Variants in TANGO2 observed in about 807,000 individuals in gnomAD.
TANGO2 encodes the protein transport and golgi organization 2 homolog, also known as transport and Golgi organization protein 2 homolog.
In TANGO2, 26 loss-of-function variants were observed where a neutral mutation model predicts 39.1. The observed-to-expected ratio is 0.67, with a 90% CI of 0.49 to 0.92. TANGO2 has a LOEUF of 0.92. TANGO2 is among the 40% of genes least tolerant of loss of function. The pLI, the probability that TANGO2 is intolerant of heterozygous loss-of-function variation, is 0.00. For synonymous variants in TANGO2, 131 were observed against 144.5 expected, an observed-to-expected ratio of 0.91 and a Z score of 0.67; for missense variants, 326 against 360.1, an observed-to-expected ratio of 0.91 and a Z score of 0.77.
intron 5 of TANGO2, chr22:20,053,900 G>T (rs2046875047): frequency 4.1e-5 from 15 of 368,594 alleles, no homozygotes; most frequent in South Asian, 3.1e-4. Context: ...GAGTGACTGG[G>T]ATGCTGTGCT....
intron 1 of TANGO2, among the ~76,000 whole-genome samples, chr22:20,027,497 G>A (rs1335352786): frequency 6.6e-6 from 1 of 152,228 alleles, no homozygotes; most frequent in African/African-American, 2.4e-5. Context: ...GGAGAACGGA[G>A]CAATGGGACC....
Position 20,063,318 on chromosome 22 carries a change from C to T in TANGO2, c.606-20C>T, listed in dbSNP as rs755361848. 2.5e-6 allele frequency: 4 copies of T among 1,610,296 alleles called. No homozygotes were observed. The highest frequency in any genetic ancestry group is 2.5e-6 in the Non-Finnish European group (3 of 1,177,982). On this transcript the variant is annotated intron_variant, in intron 7 of 8. Transcript: ENST00000327374. The stretch of plus-strand genomic sequence containing the variant: ...GGGCCACAGAGGGACTAATGGCCAC[C>T]ACTTCTCTCCATCCTGCAGGCAGCT...
At chr22:20,053,847 C>G (rs969368997) in intron 5 of TANGO2, 2 of 450,494 alleles carry the variant, frequency 4.4e-6, no homozygotes, top group Non-Finnish European at 8.8e-6. Flanking sequence ...TCCTCCCTCC[C>G]ACGGGCAGGC....
intron 3 of TANGO2, among the ~76,000 whole-genome samples, chr22:20,046,154 CT>C (rs973033283): frequency 6.6e-6 from 1 of 150,770 alleles, no homozygotes. Context: ...TAATTTTTTT[CT>C]TTTTTTTTGA....
chr22:20,017,023 A>C (rs987584309), upstream of TANGO2: 2 of 151,992 alleles, frequency 1.3e-5, no homozygotes, highest in Non-Finnish European at 2.9e-5. Context: ...GCGGCCCCGC[A>C]CCTGCCCGAA....
intron 5 of TANGO2, 161 bp downstream of exon 5, chr22:20,053,712 G>C: frequency 1.5e-6 from 1 of 667,716 alleles, no homozygotes; most frequent in South Asian, 1.5e-5. Flanking sequence ...GCCTGTCACA[G>C]ATGTACCAAC....
At chr22:20,035,850 C>T (rs1368326077) in intron 1 of TANGO2, among the ~76,000 whole-genome samples, 1 of 152,118 alleles carries the variant, frequency 6.6e-6, no homozygotes, top group African/African-American at 2.4e-5. Context: ...ATACAGTGGT[C>T]TATTTCCAAG....
upstream of TANGO2, chr22:20,021,053 CG>C (rs1185928864): frequency 2.6e-5 from 4 of 151,844 alleles, no homozygotes; most frequent in African/African-American, 9.6e-5. Flanking sequence ...GTGAACGCGC[CG>C]GCTTCGGGCT....
rs113697305 is a variant in TANGO2, at chr22:20,043,134, A to T, written c.57-221A>T. Among the ~76,000 whole-genome samples the T allele has an allele frequency of 0.025, 3,874 of 152,222 alleles. 77 individuals carry two copies. Among genetic ancestry groups the T allele is most frequent in the Non-Finnish European group, 0.04 (2,725 of 67,994 alleles). ...GTGTGGATGTGTGTCCCTGCCTAGC[A>T]TCCTCCTGTTTCCCGTGCGGTCCCA... On this transcript the variant is annotated intron_variant, in intron 2 of 8. Coordinates refer to ENST00000327374, the MANE Select transcript of TANGO2 (RefSeq NM_152906.7).
At chr22:20,026,110 T>C (rs910951162) in intron 1 of TANGO2, among the ~76,000 whole-genome samples, 1 of 152,172 alleles carries the variant, frequency 6.6e-6, no homozygotes, top group Non-Finnish European at 1.5e-5. Flanking sequence ...ATCCAAGAGC[T>C]TCACCAAGGC....
intron 6 of TANGO2, chr22:20,061,247 G>T: frequency 3.2e-6 from 1 of 312,012 alleles, no homozygotes; most frequent in Admixed American, 5.1e-5. Flanking sequence ...ATCTCAGGTT[G>T]CTCATTTCTT....
intron 4 of TANGO2, 60 bp downstream of exon 4, chr22:20,052,644 G>T: frequency 6.5e-7 from 1 of 1,533,922 alleles, no homozygotes; most frequent in South Asian, 1.2e-5. Context: ...GCCTAGGTGA[G>T]ACAAGGTGGG....
At chr22:20,037,032 CG>C in intron 2 of TANGO2, 178 bp downstream of exon 2, 1 of 1,561,194 alleles carries the variant, frequency 6.4e-7, no homozygotes, top group Admixed American at 1.9e-5. Context: ...GAATGCCTCT[CG>C]GGGCGGGGAC....
chr22:20,022,851 A>G (rs2039980305), intron 1 of TANGO2, among the ~76,000 whole-genome samples: 1 of 152,260 alleles, frequency 6.6e-6, no homozygotes, highest in Non-Finnish European at 1.5e-5. Flanking sequence ...TTCTCGAAGT[A>G]GGGCCATGCT....
At chr22:20,028,938 G>A (rs2041318061) in intron 1 of TANGO2, among the ~76,000 whole-genome samples, 1 of 152,240 alleles carries the variant, frequency 6.6e-6, no homozygotes, top group African/African-American at 2.4e-5. Context: ...CAGGGAAGCA[G>A]ATCCTCACTG....
At chr22:20,032,364 C>T (rs548793995) in intron 1 of TANGO2, among the ~76,000 whole-genome samples, 6 of 152,368 alleles carry the variant, frequency 3.9e-5, no homozygotes, top group East Asian at 1.9e-4. Context: ...TTGGGGCAGG[C>T]GGGGTCCTGT....
chr22:20,022,911 C>T (rs564695589), intron 1 of TANGO2, among the ~76,000 whole-genome samples: 5 of 152,332 alleles, frequency 3.3e-5, no homozygotes, highest in African/African-American at 4.8e-5. Flanking sequence ...CCTTTGGTGA[C>T]GTGTCAGTCA....
chr22:20,056,323 C>G (rs1227360249), intron 6 of TANGO2: 1 of 595,426 alleles, frequency 1.7e-6, no homozygotes, highest in Non-Finnish European at 3.2e-6. Context: ...TCCCAGTGTG[C>G]CCTGTGCCTG....
At chr22:20,050,177 C>G (rs2046027560) in intron 3 of TANGO2, among the ~76,000 whole-genome samples, 2 of 152,038 alleles carry the variant, frequency 1.3e-5, no homozygotes, top group Non-Finnish European at 2.9e-5. Context: ...CACCACTGCA[C>G]TCCAGCCTAG....
Sources: gnomAD v4.1 joint callset for allele counts (sites outside exome capture counted in the v4.1 genomes callset) on GRCh38, gnomAD v4.1.1 for gene constraint, MANE v1.5 for transcripts, NCBI Gene and HGNC (gene_info 2026-07-23, HGNC 2026-07-21) for gene names.